FRAS1: variants seen among roughly 807,000 people sequenced by gnomAD.
The protein encoded by FRAS1 is Fraser extracellular matrix complex subunit 1.
FRAS1 carries 290 observed loss-of-function variants against 435.2 expected under a neutral mutation model. That is an observed-to-expected ratio of 0.67 (90% CI 0.61 to 0.73). The LOEUF is 0.73. FRAS1 is among the 30% of genes least tolerant of loss of function. FRAS1 has a pLI of 0.00. For missense variants in FRAS1, 4,860 were observed against 5,001.5 expected (o/e 0.97, Z 0.85); for synonymous variants, 1,800 against 1,851.0 (o/e 0.97, Z 0.71).
At chr4:78,481,551 C>G (rs1248987049) in intron 56 of FRAS1, among the ~76,000 whole-genome samples, 2 of 152,202 alleles carry the variant, frequency 1.3e-5, no homozygotes, top group African/African-American at 2.4e-5. Context: ...CCCCTAAGGG[C>G]TCTCTCCAGC....
At chr4:78,264,989 A>T in intron 6 of FRAS1, 36 bp from the exon 7 acceptor site, 4 of 1,291,478 alleles carry the variant, frequency 3.1e-6, no homozygotes, top group Non-Finnish European at 4.5e-6. Context: ...TATTAATATC[A>T]CTTTGTGATG....
At chr4:78,281,529 A>AT in intron 11 of FRAS1, 96 bp downstream of exon 11, 1 of 700,756 alleles carries the variant, frequency 1.4e-6, no homozygotes. Context: ...GGACCTTAGT[A>AT]TTTTTAACAG....
At chr4:78,425,203 G>C (rs1040133842) in intron 35 of FRAS1, among the ~76,000 whole-genome samples, 1 of 152,062 alleles carries the variant, frequency 6.6e-6, no homozygotes, top group Non-Finnish European at 1.5e-5. Context: ...AACAGTAGTT[G>C]TATAAAAGTC....
intron 41 of FRAS1, among the ~76,000 whole-genome samples, chr4:78,441,584 A>C (rs946293031): frequency 6.6e-6 from 1 of 152,126 alleles, no homozygotes; most frequent in Non-Finnish European, 1.5e-5. Flanking sequence ...CAAATTAAAA[A>C]CCTAATAAAT....
chr4:78,408,515 G>A (rs1733191289), intron 31 of FRAS1, among the ~76,000 whole-genome samples: 1 of 152,060 alleles, frequency 6.6e-6, no homozygotes, highest in South Asian at 2.1e-4. Context: ...TTCTAGTTTT[G>A]AATGTTCTTG....
chr4:78,113,328 T>C (rs868129292), intron 2 of FRAS1, among the ~76,000 whole-genome samples: 1 of 152,238 alleles, frequency 6.6e-6, no homozygotes, highest in African/African-American at 2.4e-5. Context: ...TTTATAATCC[T>C]TTGGGTATGT....
chr4:78,513,935 A>G (rs1721125552), intron 65 of FRAS1, among the ~76,000 whole-genome samples: 1 of 152,236 alleles, frequency 6.6e-6, no homozygotes, highest in Non-Finnish European at 1.5e-5. Context: ...GCATGTTTAC[A>G]TTGGTGCTCC....
intron 47 of FRAS1, among the ~76,000 whole-genome samples, chr4:78,453,756 A>AC (rs11463442): frequency 0.75 from 114,413 of 151,978 alleles, 43,579 homozygotes; most frequent in African/African-American, 0.84. Flanking sequence ...CTGTGATCAT[A>AC]CACTGCACTG....
chr4:78,156,874 C>T (rs1720910881), intron 2 of FRAS1, among the ~76,000 whole-genome samples: 1 of 152,136 alleles, frequency 6.6e-6, no homozygotes, highest in Admixed American at 6.6e-5. Context: ...CTGTTGTGGC[C>T]AGCAGTGCTG....
intron 14 of FRAS1, among the ~76,000 whole-genome samples, chr4:78,303,146 T>C (rs1728508381): frequency 6.6e-6 from 1 of 152,230 alleles, no homozygotes; most frequent in African/African-American, 2.4e-5. Flanking sequence ...TTTCTCAGGG[T>C]TGCCAAAGAT....
chr4:78,460,122 T>C (rs542579371), intron 47 of FRAS1, among the ~76,000 whole-genome samples: 8 of 152,192 alleles, frequency 5.3e-5, no homozygotes, highest in African/African-American at 1.9e-4. Flanking sequence ...GACATGGACA[T>C]GGGTAACATG....
At chr4:78,264,518 G>A (rs1726259737) in intron 6 of FRAS1, among the ~76,000 whole-genome samples, 1 of 152,148 alleles carries the variant, frequency 6.6e-6, no homozygotes, top group African/African-American at 2.4e-5. Flanking sequence ...TCAAAGGAAG[G>A]ATACCTTCAC....
intron 2 of FRAS1, among the ~76,000 whole-genome samples, chr4:78,236,207 G>T (rs1459319944): frequency 1.3e-5 from 2 of 152,118 alleles, no homozygotes; most frequent in Non-Finnish European, 2.9e-5. Context: ...AGTTGTCAAG[G>T]CCAGGGAGAT....
intron 29 of FRAS1, among the ~76,000 whole-genome samples, chr4:78,393,325 T>C (rs1182114708): frequency 6.6e-6 from 1 of 152,090 alleles, no homozygotes; most frequent in Non-Finnish European, 1.5e-5. Context: ...TTACTTATCC[T>C]TTGTGTATCT....
chr4:78,474,204 C>G lies in FRAS1; in HGVS notation c.7682+607C>G, dbSNP rs542305063. On this transcript the variant is annotated intron_variant, in intron 53 of 73. Coordinates refer to ENST00000512123, the MANE Select transcript of FRAS1 (RefSeq NM_025074.7). ...AAATGCATGGCTTAATGTGGACAGC[C>G]CTTTAAGATGCTTTTCTAATCTGTT... 1.3e-3 allele frequency among the ~76,000 whole-genome samples: 193 copies of G among 152,208 alleles called. 1 individual carries two copies. The highest frequency in any genetic ancestry group is 4.2e-3 in the African/African-American group (173 of 41,532).
intron 2 of FRAS1, among the ~76,000 whole-genome samples, chr4:78,233,040 A>C (rs1724582421): frequency 6.6e-6 from 1 of 152,238 alleles, no homozygotes; most frequent in Admixed American, 6.5e-5. Flanking sequence ...TGTTCTTAGA[A>C]GATACTGTTT....
chr4:78,204,981 C>T (rs10050153), intron 2 of FRAS1, among the ~76,000 whole-genome samples: 90,980 of 151,950 alleles, frequency 0.6, 27,714 homozygotes, highest in Non-Finnish European at 0.67. Flanking sequence ...CCCAAATGCA[C>T]GATGAAGGGC....
intron 14 of FRAS1, among the ~76,000 whole-genome samples, chr4:78,307,219 A>C (rs141345092): frequency 6.5e-4 from 99 of 152,318 alleles, no homozygotes; most frequent in Middle Eastern, 3.4e-3. Flanking sequence ...GCAGTCTGCC[A>C]GTTTTCAGAT....
chr4:78,115,765 CT>C (rs1468465194), intron 2 of FRAS1, among the ~76,000 whole-genome samples: 3 of 151,584 alleles, frequency 2.0e-5, no homozygotes, highest in Non-Finnish European at 4.4e-5. Context: ...TTTTGTTGAT[CT>C]TTTCAAAAAA....
Sources: allele counts gnomAD v4.1 joint callset (sites outside exome capture counted in the v4.1 genomes callset), GRCh38; gene constraint gnomAD v4.1.1; transcripts MANE v1.5; gene names NCBI Gene and HGNC (gene_info 2026-07-23, HGNC 2026-07-21).